TAS2R1: variants seen among roughly 807,000 people sequenced by gnomAD.
The protein encoded by TAS2R1 is taste 2 receptor member 1, also known as taste receptor type 2 member 1.
For missense variants in TAS2R1, 370 were observed against 353.4 expected (o/e 1.05, Z -0.38); for synonymous variants, 141 against 134.2 (o/e 1.05, Z -0.35).
the TAS2R1 span, among the ~76,000 whole-genome samples, chr5:9,774,478 G>A: frequency 2.0e-5 from 3 of 152,238 alleles, no homozygotes; most frequent in East Asian, 3.9e-4. Flanking sequence ...AGGTCTTGAT[G>A]TTTGTGGATG....
the TAS2R1 span, among the ~76,000 whole-genome samples, chr5:9,822,885 C>CT: frequency 6.6e-6 from 1 of 151,802 alleles, no homozygotes; most frequent in African/African-American, 2.4e-5. Context: ...ACAGTAATAG[C>CT]TTTTTTAAAA....
chr5:9,662,921 CA>C (rs928486380), intron 1 of TAS2R1, among the ~76,000 whole-genome samples: 1 of 151,872 alleles, frequency 6.6e-6, no homozygotes, highest in African/African-American at 2.4e-5. Context: ...CAAACTGAAT[CA>C]AAAAATCAAT....
At chr5:9,806,670 TGGTGC>T in the TAS2R1 span, among the ~76,000 whole-genome samples, 1 of 152,006 alleles carries the variant, frequency 6.6e-6, no homozygotes, top group Non-Finnish European at 1.5e-5. Flanking sequence ...ATTCAACAAA[TGGTGC>T]TGGGACAATT....
the TAS2R1 span, among the ~76,000 whole-genome samples, chr5:9,753,661 T>G: frequency 6.6e-6 from 1 of 152,206 alleles, no homozygotes; most frequent in Non-Finnish European, 1.5e-5. Context: ...GGTTTTCTTC[T>G]AGGGTTTTTA....
chr5:9,805,596 T>A, the TAS2R1 span, among the ~76,000 whole-genome samples: 1 of 152,002 alleles, frequency 6.6e-6, no homozygotes, highest in Non-Finnish European at 1.5e-5. Flanking sequence ...GTATAACATA[T>A]GTAAGTCAAT....
the TAS2R1 span, among the ~76,000 whole-genome samples, chr5:9,827,554 G>A: frequency 2.1e-5 from 3 of 145,106 alleles, no homozygotes; most frequent in Admixed American, 1.4e-4. Context: ...GGGCAACATA[G>A]TGAGATTCCA....
chr5:9,757,767 A>G, the TAS2R1 span, among the ~76,000 whole-genome samples: 1 of 152,142 alleles, frequency 6.6e-6, no homozygotes, highest in African/African-American at 2.4e-5. Context: ...AAACATAATT[A>G]CCACTGATAG....
At position 9,664,412 on chromosome 5, in the gene TAS2R1, G is replaced by C. The variant is rs1052192268; in HGVS notation, c.-241-4831C>G. ...TCTAAATGCAGAGTACAAGGGACAGGGGAGAAAGAAAAATGAGCCATGCAC... is the reference window on the plus strand; with the variant it reads ...TCTAAATGCAGAGTACAAGGGACAGCGGAGAAAGAAAAATGAGCCATGCAC... On this transcript the variant is annotated intron_variant, in intron 1 of 2. Transcript: ENST00000506620. 2.0e-5 allele frequency among the ~76,000 whole-genome samples: 3 copies of C among 152,112 alleles called. No homozygotes were observed. In the East Asian group the frequency reaches 5.8e-4, roughly 29 times the overall value.
At chr5:9,720,260 T>G in the TAS2R1 span, among the ~76,000 whole-genome samples, 1 of 152,246 alleles carries the variant, frequency 6.6e-6, no homozygotes, top group East Asian at 1.9e-4. Context: ...CTTACTCTCG[T>G]GGATCTGCGG....
the TAS2R1 span, among the ~76,000 whole-genome samples, chr5:9,777,512 C>A: frequency 2.0e-5 from 3 of 152,212 alleles, no homozygotes; most frequent in Admixed American, 6.5e-5. Flanking sequence ...ACCATATCTG[C>A]CATTACTTCC....
At chr5:9,689,933 C>A (rs1156799901) in intron 1 of TAS2R1, among the ~76,000 whole-genome samples, 2 of 152,146 alleles carry the variant, frequency 1.3e-5, no homozygotes, top group Non-Finnish European at 2.9e-5. Context: ...AGCATCATTT[C>A]TATTCTTATT....
At chr5:9,781,471 C>T in the TAS2R1 span, among the ~76,000 whole-genome samples, 4 of 152,144 alleles carry the variant, frequency 2.6e-5, no homozygotes, top group East Asian at 1.9e-4. Context: ...GCAACCCAAG[C>T]GACTCTCCTA....
the TAS2R1 span, among the ~76,000 whole-genome samples, chr5:9,799,698 A>G: frequency 6.6e-6 from 1 of 152,134 alleles, no homozygotes; most frequent in Non-Finnish European, 1.5e-5. Context: ...GAAGAAGAGA[A>G]AGAAAGAAAC....
the TAS2R1 span, among the ~76,000 whole-genome samples, chr5:9,741,595 A>G: frequency 6.6e-6 from 1 of 152,210 alleles, no homozygotes; most frequent in Non-Finnish European, 1.5e-5. Context: ...TATCTCGTGT[A>G]TGTTGGAAAA....
At chr5:9,689,393 C>A (rs1279145296) in intron 1 of TAS2R1, among the ~76,000 whole-genome samples, 1 of 152,154 alleles carries the variant, frequency 6.6e-6, no homozygotes, top group Non-Finnish European at 1.5e-5. Context: ...AGGTTCCGCC[C>A]CAGACCTACT....
At chr5:9,816,112 A>C in the TAS2R1 span, among the ~76,000 whole-genome samples, 1 of 152,206 alleles carries the variant, frequency 6.6e-6, no homozygotes, top group Admixed American at 6.5e-5. Flanking sequence ...TTTATCATAA[A>C]AATCATAAAA....
chr5:9,712,041 AGGGAGGGAGGG>A (rs1734691958), intron 1 of TAS2R1: 1 of 4,888 alleles, frequency 2.0e-4, no homozygotes, highest in Non-Finnish European at 4.5e-4. Flanking sequence ...GGAGGGAGGG[AGGGAGGGAGGG>A]AGGGAGGGAA....
the TAS2R1 span, among the ~76,000 whole-genome samples, chr5:9,815,415 T>G: frequency 6.6e-6 from 1 of 152,160 alleles, no homozygotes; most frequent in African/African-American, 2.4e-5. Flanking sequence ...TGTGTTTATA[T>G]TAGATAAGCA....
intron 2 of TAS2R1, among the ~76,000 whole-genome samples, chr5:9,643,851 A>G (rs1740133123): frequency 6.6e-6 from 1 of 152,174 alleles, no homozygotes; most frequent in Admixed American, 6.6e-5. Flanking sequence ...AAGAGGTGCT[A>G]TTTTAGAAAG....
Sources: allele counts gnomAD v4.1 joint callset (sites outside exome capture counted in the v4.1 genomes callset), GRCh38; gene constraint gnomAD v4.1.1; transcripts MANE v1.5; gene names NCBI Gene and HGNC (gene_info 2026-07-23, HGNC 2026-07-21).